The following SPATC1L variants were observed in gnomAD, a reference collection of about 807,000 sequenced individuals.
SPATC1L encodes the protein spermatogenesis and centriole associated 1 like, also known as speriolin-like protein.
In SPATC1L, 20 loss-of-function variants were observed where a neutral mutation model predicts 21.2. That is an observed-to-expected ratio of 0.94 (90% CI 0.66 to 1.37). The LOEUF (loss-of-function observed/expected upper bound fraction) is 1.37. Ranked by LOEUF, SPATC1L falls within the 40% of genes most tolerant of loss-of-function variation. SPATC1L has a pLI of 0.00. For synonymous variants in SPATC1L, 290 were observed against 234.5 expected, an observed-to-expected ratio of 1.24 and a Z score of -2.16; for missense variants, 499 against 478.7, an observed-to-expected ratio of 1.04 and a Z score of -0.40.
At chr21:46,163,592 C>A (rs12329865) in intron 3 of SPATC1L, among the ~76,000 whole-genome samples, 6 of 152,096 alleles carry the variant, frequency 3.9e-5, no homozygotes, top group Non-Finnish European at 7.4e-5. Flanking sequence ...CAGCACCACG[C>A]GTTAGACAGT....
intron 2 of SPATC1L, among the ~76,000 whole-genome samples, chr21:46,179,861 G>A (rs1384661854): frequency 1.3e-5 from 2 of 152,226 alleles, no homozygotes; most frequent in Non-Finnish European, 2.9e-5. Flanking sequence ...CTGGCCCTTC[G>A]CGTCACTCAC....
chr21:46,179,168 G>C (rs773396866), intron 2 of SPATC1L, among the ~76,000 whole-genome samples: 8 of 151,190 alleles, frequency 5.3e-5, no homozygotes, highest in Non-Finnish European at 1.2e-4. Flanking sequence ...GATTGCTTGA[G>C]CCCCAGAGGT....
In SPATC1L at chr21:46,161,684, C is replaced by A. The variant is rs2079493833; in HGVS notation, c.718G>T (p.Gly240Cys). 1 of 1,601,424 alleles carries A rather than the reference C, an allele frequency of 6.2e-7. No individual in the cohort carries two copies. The highest frequency in any genetic ancestry group is 8.5e-7 in the Non-Finnish European group (1 of 1,174,112). ...IEQTSTKSLD[G>C]SVDERKLREL... ...CGCAGCTTCCTCTCGTCCACGGAGC[C>A]GTCCAGAGACTTGGTGGAGGTCTGC... Residue 240 changes from glycine to cysteine, a missense_variant, in exon 5 of 5, where the codon GGC (glycine) becomes TGC (cysteine). Gly to Cys is a radical substitution (Grantham distance 159). Coordinates refer to ENST00000291672, the MANE Select transcript of SPATC1L (RefSeq NM_001142854.2).
Position 46,161,266 on chromosome 21 carries a change from TCG to T in SPATC1L, c.*111_*112del, listed in dbSNP as rs1042505533. Reference sequence around the variant, plus strand: ...GGTGGGAGCGGGGCCTTCTCTGGCCTCGCGCGCGGGGGACGCGGCCCTTTCCC... The same window carrying T: ...GGTGGGAGCGGGGCCTTCTCTGGCCTCGCGCGGGGGACGCGGCCCTTTCCC... On this transcript the variant is annotated 3_prime_UTR_variant, in exon 5 of 5. Coordinates refer to ENST00000291672, the MANE Select transcript of SPATC1L (RefSeq NM_001142854.2). 5 of 1,077,822 alleles carry T rather than the reference TCG, an allele frequency of 4.6e-6. No individual in the cohort carries two copies. The highest frequency in any genetic ancestry group is 6.3e-6 in the Non-Finnish European group (5 of 796,308). The allele number at this position is 1,077,822 out of a possible 1,614,324, so 66.8% of individuals were successfully genotyped here.
intron 2 of SPATC1L, among the ~76,000 whole-genome samples, chr21:46,170,221 C>T (rs2079575412): frequency 1.4e-5 from 2 of 140,520 alleles, no homozygotes; most frequent in African/African-American, 5.6e-5. Flanking sequence ...GCTCTGTGAA[C>T]ATCCTCTGTG....
At chr21:46,170,747 A>ATGG (rs2079581647) in intron 2 of SPATC1L, among the ~76,000 whole-genome samples, 1 of 104,216 alleles carries the variant, frequency 9.6e-6, no homozygotes, top group African/African-American at 4.5e-5. Flanking sequence ...TCTGTGGTCC[A>ATGG]GGAGGAGCCT....
intron 2 of SPATC1L, among the ~76,000 whole-genome samples, chr21:46,181,005 G>A (rs1601394681): frequency 6.6e-6 from 1 of 152,236 alleles, no homozygotes; most frequent in Admixed American, 6.5e-5. Context: ...GCCTGGGCAA[G>A]GGTTGAGGGT....
chr21:46,179,905 G>A (rs2079659528), intron 2 of SPATC1L, among the ~76,000 whole-genome samples: 1 of 152,242 alleles, frequency 6.6e-6, no homozygotes, highest in African/African-American at 2.4e-5. Flanking sequence ...TGGAGACCTC[G>A]CTCCCCAGCT....
chr21:46,167,844 C>T (rs2079551514), intron 3 of SPATC1L, among the ~76,000 whole-genome samples: 1 of 152,136 alleles, frequency 6.6e-6, no homozygotes, highest in Admixed American at 6.5e-5. Context: ...AACTATAAAA[C>T]TTCTAGAACA....
chr21:46,167,022 G>C (rs1160725804), intron 3 of SPATC1L, among the ~76,000 whole-genome samples: 1 of 152,104 alleles, frequency 6.6e-6, no homozygotes, highest in Non-Finnish European at 1.5e-5. Flanking sequence ...CCATATGCTA[G>C]GCTGCAAAAC....
chr21:46,177,017 G>T (rs2079638091), intron 2 of SPATC1L, among the ~76,000 whole-genome samples: 1 of 152,112 alleles, frequency 6.6e-6, no homozygotes, highest in South Asian at 2.1e-4. Context: ...ATGAGGAAAG[G>T]ACTCCCTATT....
chr21:46,166,240 C>T (rs2079539189), intron 3 of SPATC1L, among the ~76,000 whole-genome samples: 1 of 152,082 alleles, frequency 6.6e-6, no homozygotes, highest in Admixed American at 6.6e-5. Flanking sequence ...GTGGCACGCA[C>T]CTATAATCCC....
At chr21:46,179,846 T>C (rs2123653910) in intron 2 of SPATC1L, among the ~76,000 whole-genome samples, 1 of 152,298 alleles carries the variant, frequency 6.6e-6, no homozygotes, top group East Asian at 1.9e-4. Flanking sequence ...GGACTGCTGC[T>C]CCCACTGGCC....
Position 46,162,030 on chromosome 21 carries a change from G to T in SPATC1L, c.582C>A (p.Arg194=). 6.3e-7 allele frequency: 1 copy of T among 1,593,382 alleles called. No individual in the cohort carries two copies. Among genetic ancestry groups the T allele is most frequent in the Non-Finnish European group, 8.5e-7 (1 of 1,172,296 alleles). ...GCTGGAAGGCGATCTCGCCCACCAC[G>T]CGCGCGTCCTTCTCGGCGCCCGCGA... ...QSFAGAEKDA[R]VVGEIAFQLD... Residue 194 remains arginine (R), a synonymous_variant, in exon 4 of 5, where the codon CGC becomes CGA. Transcript: ENST00000291672.
At chr21:46,178,924 C>G (rs2079651548) in intron 2 of SPATC1L, among the ~76,000 whole-genome samples, 1 of 151,886 alleles carries the variant, frequency 6.6e-6, no homozygotes, top group African/African-American at 2.4e-5. Flanking sequence ...CTCCTGCCTT[C>G]TGAATCAATG....
At chr21:46,177,319 G>A (rs183894342) in intron 2 of SPATC1L, among the ~76,000 whole-genome samples, 1 of 152,114 alleles carries the variant, frequency 6.6e-6, no homozygotes, top group Non-Finnish European at 1.5e-5. Context: ...AGAGTAAACA[G>A]CAAACCTACA....
At chr21:46,166,241 C>T (rs2079539215) in intron 3 of SPATC1L, among the ~76,000 whole-genome samples, 1 of 152,070 alleles carries the variant, frequency 6.6e-6, no homozygotes, top group African/African-American at 2.4e-5. Context: ...TGGCACGCAC[C>T]TATAATCCCA....
In SPATC1L at chr21:46,161,246, G is replaced by C; in HGVS notation, c.*133C>G. 2 of 823,118 alleles carry C rather than the reference G, an allele frequency of 2.4e-6. No individual in the cohort carries two copies. Among genetic ancestry groups the C allele is most frequent in the Non-Finnish European group, 3.5e-6 (2 of 569,436 alleles). The allele number at this position is 823,118 out of a possible 1,614,324, so 51.0% of individuals were successfully genotyped here. The stretch of plus-strand genomic sequence containing the variant: ...TGCGGTCGGGGCCCAGCACCGGTGG[G>C]AGCGGGGCCTTCTCTGGCCTCGCGC... On this transcript the variant is annotated 3_prime_UTR_variant, in exon 5 of 5. Transcript: ENST00000291672.
chr21:46,168,637 G>C lies in SPATC1L; in HGVS notation c.215C>G (p.Thr72Arg), dbSNP rs1206125393. 1.4e-6 allele frequency: 2 copies of C among 1,383,348 alleles called. No individual in the cohort carries two copies. Among genetic ancestry groups the C allele is most frequent in the Non-Finnish European group, 1.9e-6 (2 of 1,056,268 alleles). The allele number at this position is 1,383,348 out of a possible 1,614,324, so 85.7% of individuals were successfully genotyped here. The part of the protein sequence containing the change: ...GSGVPDFGRF[T>R]SVADTPSQLQ... Reference sequence around the variant, plus strand: ...TTGGGAGGGCGTGTCGGCAACACTCGTGAACCTTCCGAAATCTGGAACTGA... The same window carrying C: ...TTGGGAGGGCGTGTCGGCAACACTCCTGAACCTTCCGAAATCTGGAACTGA... Residue 72 changes from threonine to arginine, a missense_variant, in exon 3 of 5, where the codon ACG (threonine) becomes AGG (arginine). Physicochemically the swap from Thr to Arg is moderately conservative, Grantham distance 71. Transcript: ENST00000291672.
Sources: gnomAD v4.1 joint callset for allele counts (sites outside exome capture counted in the v4.1 genomes callset) on GRCh38, gnomAD v4.1.1 for gene constraint, MANE v1.5 for transcripts, NCBI Gene and HGNC (gene_info 2026-07-23, HGNC 2026-07-21) for gene names.